The following TPST2 variants were observed in gnomAD, a reference collection of about 807,000 sequenced individuals.
TPST2 encodes tyrosylprotein sulfotransferase 2, also known as protein-tyrosine sulfotransferase 2.
TPST2 carries 16 observed loss-of-function variants against 27.8 expected under a neutral mutation model. That is an observed-to-expected ratio of 0.58 (90% CI 0.39 to 0.88). The LOEUF is 0.88. TPST2 is among the 40% of genes least tolerant of loss of function. The probability of loss-of-function intolerance (pLI) is 0.00; values close to 1 mark genes in which losing one functional copy is unlikely to be tolerated. For synonymous variants in TPST2, 229 were observed against 231.7 expected (o/e 0.99, Z 0.10); for missense variants, 464 against 543.1 (o/e 0.85, Z 1.45).
intron 1 of TPST2, among the ~76,000 whole-genome samples, chr22:26,577,158 T>A (rs1742546905): frequency 6.7e-6 from 1 of 149,194 alleles, no homozygotes; most frequent in Non-Finnish European, 1.5e-5. Flanking sequence ...TTGTAGTCCC[T>A]GCTACTTGGG....
At chr22:26,558,181 C>T (rs931429440) in intron 1 of TPST2, among the ~76,000 whole-genome samples, 12 of 147,442 alleles carry the variant, frequency 8.1e-5, no homozygotes, top group African/African-American at 1.3e-4. Flanking sequence ...ATATGTCGCC[C>T]AGGCTGGAGT....
Position 26,536,339 on chromosome 22 carries a change from G to A in TPST2, c.990C>T (p.Asn330=), listed in dbSNP as rs188069969. The change falls in exon 4 of 7, where the codon AAC becomes AAT. Residue 330 remains asparagine, a synonymous_variant. Transcript: ENST00000338754. ...GGTCAGGGTTGCCATAGTTGGGGGG[G>A]TTTGCATAAGGGTCATAGCCGAGCT... ...LAQLGYDPYA[N]PPNYGNPDPF... 193 of 1,614,140 alleles carry A rather than the reference G, an allele frequency of 1.2e-4. No individual in the cohort carries two copies. The East Asian group carries it at 3.7e-3, about 31-fold the overall frequency.
At chr22:26,529,024 T>C (rs1416735674) in intron 5 of TPST2, among the ~76,000 whole-genome samples, 2 of 151,954 alleles carry the variant, frequency 1.3e-5, no homozygotes, top group Non-Finnish European at 2.9e-5. Context: ...AAACGTATCT[T>C]TTGCATGCTA....
At chr22:26,570,497 G>A (rs1927588547) in intron 1 of TPST2, among the ~76,000 whole-genome samples, 1 of 152,022 alleles carries the variant, frequency 6.6e-6, no homozygotes, top group Admixed American at 6.6e-5. Flanking sequence ...CCTTATGCGG[G>A]GCCAAACCCA....
intron 1 of TPST2, among the ~76,000 whole-genome samples, chr22:26,589,735 C>T (rs904612669): frequency 6.6e-6 from 1 of 152,186 alleles, no homozygotes; most frequent in East Asian, 1.9e-4. Flanking sequence ...CCCAGTCCCC[C>T]CGCCAACAGA....
At chr22:26,566,597 C>A (rs1377260924) in intron 1 of TPST2, among the ~76,000 whole-genome samples, 3 of 151,272 alleles carry the variant, frequency 2.0e-5, no homozygotes, top group African/African-American at 4.9e-5. Context: ...AAAAAAAATA[C>A]AAAAATCAGC....
rs960392527 is a variant in TPST2, at chr22:26,590,100, C to A, written c.-208G>T. 7 of 152,084 alleles carry A rather than the reference C, an allele frequency of 4.6e-5. No individual in the cohort carries two copies. The highest frequency in any genetic ancestry group is 2.1e-4 in the South Asian group (1 of 4,836). The allele number at this position is 152,084 out of a possible 1,614,324, so 9.4% of individuals were successfully genotyped here. A position where few individuals can be genotyped will look rare whatever the true frequency, so the allele number is the denominator to read the frequency against. On this transcript the variant is annotated 5_prime_UTR_variant, in exon 1 of 7. Coordinates refer to ENST00000338754, the MANE Select transcript of TPST2 (RefSeq NM_003595.5). Reference sequence around the variant, plus strand: ...GCCCCACGCACCCAGCGACTCCCGGCTCTCCAGCCGCCCCAGCCGGGGAAG... The same window carrying A: ...GCCCCACGCACCCAGCGACTCCCGGATCTCCAGCCGCCCCAGCCGGGGAAG...
At position 26,544,613 on chromosome 22, in the gene TPST2, G is replaced by A; in HGVS notation, c.-98C>T. On this transcript the variant is annotated 5_prime_UTR_variant, in exon 2 of 7. Coordinates refer to ENST00000338754, the MANE Select transcript of TPST2 (RefSeq NM_003595.5). ...TTCTAGGTGCACTTACCTCCCTTGG[G>A]CACTCTCATCTCTGGGCTCCAGCCC... is the stretch of plus-strand genomic sequence containing the variant. 1.0e-6 allele frequency: 1 copy of A among 985,952 alleles called. No homozygotes were observed. The highest frequency in any genetic ancestry group is 1.1e-4 in the East Asian group (1 of 8,816). 61.1% of individuals were successfully genotyped at this position (985,952 alleles called of 1,614,324 possible).
chr22:26,540,823 G>A lies in TPST2; in HGVS notation c.808C>T (p.Leu270Phe), dbSNP rs538398615. The change falls in exon 3 of 7, where the codon CTC becomes TTC. Residue 270 changes from leucine (L) to phenylalanine (F), a missense_variant. Physicochemically the swap from Leu to Phe is conservative, Grantham distance 22 (BLOSUM62 0). Transcript: ENST00000338754. The stretch of plus-strand genomic sequence containing the variant: ...GAGACACCACCGGGCTTGCCAATGA[G>A]GTCTTCATGGTGGAGGACAGCGTCG... Reference protein sequence around the residue: ...WSDAVLHHEDLIGKPGGVSLS... With the variant: ...WSDAVLHHEDFIGKPGGVSLS... 25 of 1,608,862 alleles carry A rather than the reference G, an allele frequency of 1.6e-5. No homozygotes were observed. The South Asian group carries it at 2.2e-4, about 14-fold the overall frequency.
intron 1 of TPST2, chr22:26,550,522 G>C: frequency 4.4e-6 from 4 of 915,380 alleles, no homozygotes; most frequent in South Asian, 5.0e-5. Context: ...AAGCGGCAGG[G>C]GGGCAGGGAG....
intron 1 of TPST2, chr22:26,565,578 A>C (rs1927340420): frequency 6.6e-6 from 1 of 152,078 alleles, no homozygotes; most frequent in Non-Finnish European, 1.5e-5. Flanking sequence ...CCCTCTTGTC[A>C]TTTTGGCCAG....
intron 1 of TPST2, chr22:26,561,060 GA>G: frequency 6.3e-7 from 1 of 1,591,024 alleles, no homozygotes; most frequent in African/African-American, 1.3e-5. Flanking sequence ...TGTCAAGGCT[GA>G]AAAAAGCAAG....
intron 1 of TPST2, among the ~76,000 whole-genome samples, chr22:26,545,472 G>A (rs1243453636): frequency 6.6e-6 from 1 of 152,226 alleles, no homozygotes; most frequent in East Asian, 1.9e-4. Context: ...CTTTAGGGCA[G>A]GGAGTATATA....
At chr22:26,575,406 C>T (rs888378383) in intron 1 of TPST2, among the ~76,000 whole-genome samples, 2 of 152,142 alleles carry the variant, frequency 1.3e-5, no homozygotes, top group Admixed American at 1.3e-4. Context: ...TCACACTTAC[C>T]AATTGCTAAG....
chr22:26,529,485 G>A (rs577815475), intron 5 of TPST2, among the ~76,000 whole-genome samples: 34 of 152,294 alleles, frequency 2.2e-4, no homozygotes, highest in African/African-American at 6.0e-4. Flanking sequence ...CCTCCTGGGA[G>A]GGGAGAGGGG....
rs925513694 is a variant in TPST2 at position 26,524,375 on chromosome 22, T to C, written c.*1900A>G. 2 of 151,612 alleles carry C rather than the reference T, an allele frequency of 1.3e-5. No individual in the cohort carries two copies. Among genetic ancestry groups the C allele is most frequent in the Non-Finnish European group, 2.9e-5 (2 of 67,972 alleles). 9.4% of individuals were successfully genotyped at this position (151,612 alleles called of 1,614,324 possible). A position where few individuals can be genotyped will look rare whatever the true frequency, so the allele number is the denominator to read the frequency against. On this transcript the variant is annotated 3_prime_UTR_variant, in exon 7 of 7. Coordinates refer to ENST00000338754, the MANE Select transcript of TPST2 (RefSeq NM_003595.5). Reference sequence around the variant, plus strand: ...AAAAAAAATTTAAAAAGTAGCCAGGTGTGGTGGCACATGCCCAGCTACTCA... The same window carrying C: ...AAAAAAAATTTAAAAAGTAGCCAGGCGTGGTGGCACATGCCCAGCTACTCA...
chr22:26,533,724 G>A (rs1858119066), intron 4 of TPST2, among the ~76,000 whole-genome samples: 1 of 151,884 alleles, frequency 6.6e-6, no homozygotes. Flanking sequence ...GCCCAAGCTG[G>A]AGTGCAGTGG....
intron 1 of TPST2, chr22:26,565,110 G>A (rs1033312275): frequency 6.6e-6 from 1 of 152,314 alleles, no homozygotes; most frequent in African/African-American, 2.4e-5. Flanking sequence ...CTGCAACATG[G>A]GCCAGGCCAT....
chr22:26,568,476 C>T (rs1340063112), intron 1 of TPST2, among the ~76,000 whole-genome samples: 1 of 152,168 alleles, frequency 6.6e-6, no homozygotes, highest in Non-Finnish European at 1.5e-5. Context: ...GTAAAGACCC[C>T]ATTAATAAAA....
Sources: allele counts gnomAD v4.1 joint callset (sites outside exome capture counted in the v4.1 genomes callset), GRCh38; gene constraint gnomAD v4.1.1; transcripts MANE v1.5; gene names NCBI Gene and HGNC (gene_info 2026-07-23, HGNC 2026-07-21).